TEKT3: variants seen among roughly 807,000 people sequenced by gnomAD.
TEKT3 encodes the protein tektin 3, also known as tektin-3.
TEKT3 carries 49 observed loss-of-function variants against 49.8 expected under a neutral mutation model. The ratio of observed to expected loss-of-function variants is 0.98; its 90% CI spans 0.78 to 1.25. The LOEUF is 1.25. Among genes scored for constraint, TEKT3 ranks in the 50% most tolerant of loss-of-function variants. The pLI is 0.00. For missense variants in TEKT3, 595 were observed against 629.5 expected (o/e 0.95, Z 0.59); for synonymous variants, 225 against 237.2 (o/e 0.95, Z 0.47).
chr17:15,305,499 T>G (rs565390396), intron 8 of TEKT3, among the ~76,000 whole-genome samples: 20 of 152,294 alleles, frequency 1.3e-4, no homozygotes, highest in African/African-American at 4.1e-4. Flanking sequence ...AAAGAAAGGC[T>G]TTTTAAAGAT....
rs201401017 is a variant in TEKT3, at chr17:15,330,722, T to C, written c.579+285A>G. On this transcript the variant is annotated intron_variant, in intron 3 of 8. Coordinates refer to ENST00000395930, the MANE Select transcript of TEKT3 (RefSeq NM_031898.3). ...TGAGAATGGCGGAATACAGATGGCG[T>C]GTTCACCTTAAAACATTGTGTGTCC... 3.9e-5 allele frequency among the ~76,000 whole-genome samples: 6 copies of C among 152,310 alleles called. No homozygotes were observed. The East Asian group carries it at 1.2e-3, about 29-fold the overall frequency.
At chr17:15,315,511 CAAG>C (rs756976432) in intron 5 of TEKT3, among the ~76,000 whole-genome samples, 20 of 145,994 alleles carry the variant, frequency 1.4e-4, no homozygotes, top group Non-Finnish European at 2.2e-4. Context: ...GTGAAGGAAG[CAAG>C]AAGAAGTATT....
chr17:15,340,962 G>A (rs1912203667), intron 1 of TEKT3, among the ~76,000 whole-genome samples: 1 of 152,020 alleles, frequency 6.6e-6, no homozygotes, highest in Admixed American at 6.6e-5. Context: ...AACATAAAGG[G>A]GTTTGGTCTA....
intron 3 of TEKT3, among the ~76,000 whole-genome samples, chr17:15,328,926 A>G (rs1446770580): frequency 6.6e-6 from 1 of 152,222 alleles, no homozygotes; most frequent in Non-Finnish European, 1.5e-5. Context: ...GTATACTATA[A>G]TCCAGATATA....
At chr17:15,327,281 G>C (rs868348539) in intron 4 of TEKT3, among the ~76,000 whole-genome samples, 3 of 152,104 alleles carry the variant, frequency 2.0e-5, no homozygotes, top group African/African-American at 7.2e-5. Flanking sequence ...ACTTTGGGAG[G>C]CTGAGGCAGG....
rs1337918342 is a variant in TEKT3, at chr17:15,331,168, C to A, written c.418G>T (p.Ala140Ser). The change falls in exon 3 of 9, where the codon GCA becomes TCA. Residue 140 changes from alanine (A) to serine (S), a missense_variant. Coordinates refer to ENST00000395930, the MANE Select transcript of TEKT3 (RefSeq NM_031898.3). Reference protein sequence around the residue: ...DKYQQTRKTQADTTQNLGERV... With the variant: ...DKYQQTRKTQSDTTQNLGERV... Reference sequence around the variant, plus strand: ...TCTCCCAGATTTTGGGTTGTGTCTGCCTGAGTTTTTCTTGTTTGTTGATAT... The same window carrying A: ...TCTCCCAGATTTTGGGTTGTGTCTGACTGAGTTTTTCTTGTTTGTTGATAT... 1.2e-6 allele frequency: 2 copies of A among 1,614,042 alleles called. No homozygotes were observed. Among genetic ancestry groups the A allele is most frequent in the Non-Finnish European group, 1.7e-6 (2 of 1,180,034 alleles).
chr17:15,333,888 G>A (rs552561319), intron 2 of TEKT3, among the ~76,000 whole-genome samples: 3 of 151,178 alleles, frequency 2.0e-5, no homozygotes, highest in South Asian at 2.1e-4. Context: ...TCAGCCTCCC[G>A]AGTAGCTGGG....
chr17:15,317,574 T>A (rs1911062909), intron 5 of TEKT3, among the ~76,000 whole-genome samples: 1 of 152,208 alleles, frequency 6.6e-6, no homozygotes, highest in African/African-American at 2.4e-5. Context: ...GTTCAGATCC[T>A]GACGCACAGG....
intron 4 of TEKT3, among the ~76,000 whole-genome samples, chr17:15,322,774 C>G (rs1911320562): frequency 6.6e-6 from 1 of 152,160 alleles, no homozygotes; most frequent in South Asian, 2.1e-4. Flanking sequence ...AAGCTGCAAG[C>G]CTGAATTGAA....
chr17:15,334,470 T>C (rs903206155), intron 2 of TEKT3, among the ~76,000 whole-genome samples: 13 of 152,204 alleles, frequency 8.5e-5, no homozygotes, highest in African/African-American at 2.9e-4. Context: ...TATATAGGCA[T>C]CTTGAGACGT....
At chr17:15,314,727 A>C (rs1367868584) in intron 5 of TEKT3, among the ~76,000 whole-genome samples, 1 of 152,184 alleles carries the variant, frequency 6.6e-6, no homozygotes, top group Non-Finnish European at 1.5e-5. Context: ...ATCCATTGGT[A>C]ACCTTGGTTT....
chr17:15,318,020 C>T (rs1326682604), intron 5 of TEKT3, among the ~76,000 whole-genome samples: 20 of 138,152 alleles, frequency 1.4e-4, no homozygotes, highest in African/African-American at 5.4e-4. Context: ...GACGGAGTCT[C>T]GCTCCGTCGC....
chr17:15,304,178 T>G lies in TEKT3; in HGVS notation c.1257-26A>C. On this transcript the variant is annotated intron_variant, in intron 8 of 8. Transcript: ENST00000395930. The surrounding 1 kb of genome is among the most constrained non-coding windows in gnomAD (Gnocchi z 4.7). ...CTGCAGCATAAAGGAATCAGCATGG[T>G]TAGGTCAGCATGTAGCTTACGCAAC... 6.2e-7 allele frequency: 1 copy of G among 1,612,824 alleles called. No individual in the cohort carries two copies. The highest frequency in any genetic ancestry group is 1.1e-5 in the South Asian group (1 of 91,014).
intron 7 of TEKT3, chr17:15,311,083 G>C (rs1910754127): frequency 6.6e-6 from 1 of 152,168 alleles, no homozygotes; most frequent in African/African-American, 2.4e-5. Flanking sequence ...TATTCGTATT[G>C]TTTATGAGCT....
intron 3 of TEKT3, among the ~76,000 whole-genome samples, chr17:15,329,565 T>C (rs1380258719): frequency 6.6e-6 from 1 of 152,228 alleles, no homozygotes; most frequent in Non-Finnish European, 1.5e-5. Context: ...AGGGAAGGCG[T>C]AGAAGCCCTT....
intron 4 of TEKT3, among the ~76,000 whole-genome samples, chr17:15,322,953 G>A (rs1911329469): frequency 6.6e-6 from 1 of 152,150 alleles, no homozygotes; most frequent in Non-Finnish European, 1.5e-5. Context: ...ATTTATTCCT[G>A]AGTTCAGCCA....
chr17:15,305,997 TTCTC>T (rs1165445024), intron 8 of TEKT3, among the ~76,000 whole-genome samples: 1 of 151,960 alleles, frequency 6.6e-6, no homozygotes, highest in African/African-American at 2.4e-5. Context: ...AAGTCACTCT[TTCTC>T]TTTCTTTCTT....
intron 3 of TEKT3, among the ~76,000 whole-genome samples, chr17:15,329,459 G>C (rs1479431318): frequency 1.3e-5 from 2 of 152,216 alleles, no homozygotes; most frequent in African/African-American, 4.8e-5. Flanking sequence ...AATTAAGAAA[G>C]TAGCTATCAT....
At chr17:15,310,971 G>A (rs1006460866) in intron 7 of TEKT3, 3 of 152,038 alleles carry the variant, frequency 2.0e-5, no homozygotes, top group Non-Finnish European at 4.4e-5. Context: ...TGTCTCCAAG[G>A]CTTTCTTCAA....
Sources: allele counts gnomAD v4.1 joint callset (sites outside exome capture counted in the v4.1 genomes callset), GRCh38; gene constraint gnomAD v4.1.1; non-coding constraint Gnocchi (gnomAD v3.1); transcripts MANE v1.5; gene names NCBI Gene and HGNC (gene_info 2026-07-23, HGNC 2026-07-21).